The following PDCD11 variants were observed in gnomAD, a reference collection of about 807,000 sequenced individuals.
PDCD11 encodes the protein programmed cell death 11.
PDCD11 carries 97 observed loss-of-function variants against 198.9 expected under a neutral mutation model. The ratio of observed to expected loss-of-function variants is 0.49; its 90% CI spans 0.41 to 0.58. The LOEUF is 0.58. PDCD11 is among the 20% of genes least tolerant of loss of function. PDCD11 has a pLI of 0.00. For missense variants in PDCD11, 2,102 were observed against 2,312.7 expected (o/e 0.91, Z 1.87); for synonymous variants, 893 against 918.0 (o/e 0.97, Z 0.49).
intron 17 of PDCD11, among the ~76,000 whole-genome samples, chr10:103,422,472 T>G (rs867046223): frequency 6.6e-6 from 1 of 151,378 alleles, no homozygotes; most frequent in Non-Finnish European, 1.5e-5. Flanking sequence ...AGATGTCCTC[T>G]TCTCCCCACT....
chr10:103,414,843 C>G (rs775028661), intron 11 of PDCD11, among the ~76,000 whole-genome samples, 162 bp from the exon 12 acceptor site: 16 of 152,184 alleles, frequency 1.1e-4, no homozygotes, highest in Admixed American at 6.5e-5. Flanking sequence ...AATAATCCAG[C>G]TCAGTGTGGG....
rs149421028 is a variant in PDCD11 at position 103,396,693 on chromosome 10, G to C, written c.-49G>C. On this transcript the variant is annotated 5_prime_UTR_variant, in exon 1 of 36. Coordinates refer to ENST00000369797, the MANE Select transcript of PDCD11 (RefSeq NM_014976.2). ...TCCGCGTGTGTGAGTACCGCGGCGCGAGGTTAGTGGTAGCTGGGTGCAGAC... is the reference window on the plus strand; with the variant it reads ...TCCGCGTGTGTGAGTACCGCGGCGCCAGGTTAGTGGTAGCTGGGTGCAGAC... 2.6e-5 allele frequency: 4 copies of C among 152,638 alleles called. No individual in the cohort carries two copies. In the East Asian group the frequency reaches 7.7e-4, roughly 29 times the overall value. The allele number at this position is 152,638 out of a possible 1,614,324, so 9.5% of individuals were successfully genotyped here.
At position 103,403,014 on chromosome 10, in the gene PDCD11, G is replaced by A; in HGVS notation, c.235-104G>A. The A allele has an allele frequency of 3.7e-6, 4 of 1,087,008 alleles. No homozygotes were observed. The South Asian group carries it at 4.3e-5, about 12-fold the overall frequency. The allele number at this position is 1,087,008 out of a possible 1,614,324, so 67.3% of individuals were successfully genotyped here. ...GGAATTATAGGGCGTAAGCCACTGT[G>A]CTTGGCCTTATAGCTTTTAAATTGA... On this transcript the variant is annotated intron_variant, in intron 3 of 35. Coordinates refer to ENST00000369797, the MANE Select transcript of PDCD11 (RefSeq NM_014976.2).
Position 103,423,125 on chromosome 10 carries a change from T to C in PDCD11, c.2635T>C (p.Tyr879His), listed in dbSNP as rs894981598. Residue 879 changes from tyrosine (Y) to histidine (H), a missense_variant, in exon 18 of 36, where the codon TAC (tyrosine) becomes CAC (histidine). Physicochemically the swap from Tyr to His is moderately conservative, Grantham distance 83. Transcript: ENST00000369797. ...CGACCTGGTCCTGAAAGCCAGCAGATACCATCGCGCAGGTGAGTGCTTCTG... is the reference window on the plus strand; with the variant it reads ...CGACCTGGTCCTGAAAGCCAGCAGACACCATCGCGCAGGTGAGTGCTTCTG... ...VPDLVLKASR[Y>H]HRAGQEVESG... 4 of 1,583,696 alleles carry C rather than the reference T, an allele frequency of 2.5e-6. No homozygotes were observed. Among genetic ancestry groups the C allele is most frequent in the Non-Finnish European group, 3.4e-6 (4 of 1,166,256 alleles).
intron 3 of PDCD11, among the ~76,000 whole-genome samples, chr10:103,402,638 C>T (rs1476358415): frequency 2.6e-5 from 4 of 152,094 alleles, no homozygotes; most frequent in African/African-American, 4.8e-5. Flanking sequence ...GGGGTTTTGC[C>T]GTGTTGGCCA....
At position 103,418,558 on chromosome 10, in the gene PDCD11, C is replaced by T; in HGVS notation, c.2030C>T (p.Pro677Leu). The change falls in exon 15 of 36, where the codon CCA becomes CTA. Residue 677 changes from proline to leucine, a missense_variant. Physicochemically the swap from Pro to Leu is moderately conservative, Grantham distance 98 (BLOSUM62 -3). Coordinates refer to ENST00000369797, the MANE Select transcript of PDCD11 (RefSeq NM_014976.2). ...CTGTCGGACCACGTTGCCAACGGCC[C>T]ATTGTTACATCATTGGCTCCAGGCA... Reference protein sequence around the residue: ...SHLSDHVANGPLLHHWLQAGD... With the variant: ...SHLSDHVANGLLLHHWLQAGD... 1.2e-6 allele frequency: 2 copies of T among 1,614,180 alleles called. No homozygotes were observed. Among genetic ancestry groups the T allele is most frequent in the Non-Finnish European group, 8.5e-7 (1 of 1,180,034 alleles).
intron 26 of PDCD11, 68 bp from the exon 27 acceptor site, chr10:103,438,618 A>G (rs2032249745): frequency 1.3e-6 from 2 of 1,591,360 alleles, no homozygotes; most frequent in Admixed American, 1.7e-5. Context: ...TGATGGTTGC[A>G]GGTGTATTGG....
intron 19 of PDCD11, among the ~76,000 whole-genome samples, chr10:103,424,196 C>T (rs934489360): frequency 2.6e-5 from 4 of 152,180 alleles, no homozygotes; most frequent in African/African-American, 4.8e-5. Flanking sequence ...TCCACACCCT[C>T]GCCTGCCTTG....
In PDCD11 at chr10:103,409,718, C is replaced by A. The variant is rs772637975; in HGVS notation, c.890C>A (p.Thr297Lys). The A allele has an allele frequency of 6.2e-7, 1 of 1,613,762 alleles. No individual in the cohort carries two copies. Among genetic ancestry groups the A allele is most frequent in the Non-Finnish European group, 8.5e-7 (1 of 1,179,714 alleles). The change falls in exon 8 of 36, where the codon ACG becomes AAG. Residue 297 changes from threonine (T) to lysine (K), a missense_variant. By Grantham distance (78) the Thr-to-Lys change is moderately conservative. Coordinates refer to ENST00000369797, the MANE Select transcript of PDCD11 (RefSeq NM_014976.2). ...TTCTAGGTGACTCCATTTGGCCTTA[C>A]GCTAAACTTCCTCACATTCTTCACG... ...QVQKVTPFGL[T>K]LNFLTFFTGV...
chr10:103,405,129 G>T lies in PDCD11; in HGVS notation c.510G>T (p.Leu170=). The change falls in exon 5 of 36, where the codon CTG becomes CTT. Residue 170 remains leucine, a synonymous_variant. Coordinates refer to ENST00000369797, the MANE Select transcript of PDCD11 (RefSeq NM_014976.2). ...DRGKKSVKLS[L]NPKNVNRVLS... ...GCAAGAAGAGTGTCAAGCTGTCTCT[G>T]AACCCCAAAAATGTCAACAGAGTGC... 6.2e-7 allele frequency: 1 copy of T among 1,614,126 alleles called. No individual in the cohort carries two copies. The highest frequency in any genetic ancestry group is 1.1e-5 in the South Asian group (1 of 91,068).
chr10:103,440,186 A>G, intron 28 of PDCD11, 104 bp from the exon 29 acceptor site: 1 of 1,481,284 alleles, frequency 6.8e-7, no homozygotes. Context: ...AGATGGGGGC[A>G]GGGCCCAGAA....
chr10:103,402,035 C>T (rs2030110469), intron 3 of PDCD11, among the ~76,000 whole-genome samples: 1 of 152,202 alleles, frequency 6.6e-6, no homozygotes, highest in South Asian at 2.1e-4. Context: ...AGCCACTGCA[C>T]CTGGCTGAAA....
chr10:103,425,322 C>A lies in PDCD11; in HGVS notation c.3102C>A (p.Ser1034=). The change falls in exon 20 of 36, where the codon TCC becomes TCA. Residue 1034 remains serine, a synonymous_variant. Coordinates refer to ENST00000369797, the MANE Select transcript of PDCD11 (RefSeq NM_014976.2). ...GGACCATAAAGAAGCACACCCTCTC[C>A]ATCGGGGACATGGTCACAGGGACTG... ...TVGTIKKHTL[S]IGDMVTGTVK... is the part of the protein sequence containing the mutation. The A allele has an allele frequency of 6.2e-7, 1 of 1,614,132 alleles. No individual in the cohort carries two copies. The highest frequency in any genetic ancestry group is 8.5e-7 in the Non-Finnish European group (1 of 1,180,024).
At chr10:103,439,993 TA>T in intron 28 of PDCD11, 125 bp downstream of exon 28, 2 of 1,193,680 alleles carry the variant, frequency 1.7e-6, no homozygotes, top group South Asian at 1.4e-5. Context: ...TTCAGATGAA[TA>T]AAAGGCCTTT....
chr10:103,441,999 C>T, intron 31 of PDCD11, 24 bp downstream of exon 31: 3 of 1,613,092 alleles, frequency 1.9e-6, no homozygotes, highest in Non-Finnish European at 2.5e-6. Context: ...CAGGGCATGT[C>T]CTTTTTGCAG....
intron 2 of PDCD11, among the ~76,000 whole-genome samples, 159 bp downstream of exon 2, chr10:103,398,687 C>T (rs1458826086): frequency 6.6e-6 from 1 of 152,204 alleles, no homozygotes; most frequent in Non-Finnish European, 1.5e-5. Context: ...CATACCACCA[C>T]AAGGCTGTAT....
rs1424261105 is a variant in PDCD11 at position 103,442,129 on chromosome 10, C to T, written c.4708-84C>T. 3.2e-6 allele frequency: 5 copies of T among 1,575,404 alleles called. No homozygotes were observed. In the Admixed American group the frequency reaches 8.7e-5, roughly 27 times the overall value. ...GGGTATATATAGAGCCCTGGGCTGCCCAGCCAACTCGTGACTTCCACCACA... is the reference window on the plus strand; with the variant it reads ...GGGTATATATAGAGCCCTGGGCTGCTCAGCCAACTCGTGACTTCCACCACA... On this transcript the variant is annotated intron_variant, in intron 31 of 35. Transcript: ENST00000369797.
At chr10:103,408,152 G>A (rs2030574050) in intron 7 of PDCD11, among the ~76,000 whole-genome samples, 4 of 152,056 alleles carry the variant, frequency 2.6e-5, no homozygotes, top group South Asian at 2.1e-4. Context: ...AATTCTGCAT[G>A]TTTTCAAACC....
At position 103,413,969 on chromosome 10, in the gene PDCD11, A is replaced by C. The variant is rs753444652; in HGVS notation, c.1189A>C (p.Ser397Arg). The C allele has an allele frequency of 8.7e-6, 14 of 1,610,330 alleles. No homozygotes were observed. In the Admixed American group the frequency reaches 2.2e-4, roughly 25 times the overall value. The change falls in exon 10 of 36, where the codon AGC (serine) becomes CGC (arginine). Residue 397 changes from serine (S) to arginine (R), a missense_variant. Coordinates refer to ENST00000369797, the MANE Select transcript of PDCD11 (RefSeq NM_014976.2). ...KDGVLAYARL[S>R]HLSDSKNVFN... ...TCAATCACTTGGTACTTTGCAGCTCAGCCATCTCTCTGATTCTAAGAACGT... is the reference window on the plus strand; with the variant it reads ...TCAATCACTTGGTACTTTGCAGCTCCGCCATCTCTCTGATTCTAAGAACGT...
Sources: gnomAD v4.1 joint callset for allele counts (sites outside exome capture counted in the v4.1 genomes callset) on GRCh38, gnomAD v4.1.1 for gene constraint, MANE v1.5 for transcripts, NCBI Gene and HGNC (gene_info 2026-07-23, HGNC 2026-07-21) for gene names.